VWA3B: variants seen among roughly 807,000 people sequenced by gnomAD.
VWA3B encodes the protein von Willebrand factor A domain containing 3B.
In VWA3B, 138 loss-of-function variants were observed where a neutral mutation model predicts 158.3. The ratio of observed to expected loss-of-function variants is 0.87; its 90% confidence interval spans 0.76 to 1.00. VWA3B has a LOEUF of 1.00. VWA3B is among the 50% of genes least tolerant of loss of function. The pLI, the probability that VWA3B is intolerant of heterozygous loss-of-function variation, is 0.00. For synonymous variants in VWA3B, 596 were observed against 587.3 expected, an observed-to-expected ratio of 1.01 and a Z score of -0.21; for missense variants, 1,555 against 1,565.1, an observed-to-expected ratio of 0.99 and a Z score of 0.11.
At chr2:98,313,324 A>G (rs2106035159), downstream of VWA3B, 1 of 152,170 alleles carries the variant, frequency 6.6e-6, no homozygotes, top group East Asian at 1.9e-4. Context: ...GCATCAGGCT[A>G]AAAACAATAA....
At chr2:98,316,133 A>G (rs1043918726), downstream of VWA3B, among the ~76,000 whole-genome samples, 25 of 152,288 alleles carry the variant, frequency 1.6e-4, no homozygotes, top group Middle Eastern at 3.4e-3. Flanking sequence ...GTTTCTGTTC[A>G]AAGGTATCTT....
At chr2:98,171,372 C>A (rs1293972553) in intron 8 of VWA3B, among the ~76,000 whole-genome samples, 3 of 151,910 alleles carry the variant, frequency 2.0e-5, no homozygotes, top group Non-Finnish European at 4.4e-5. Context: ...AACTTTGGAG[C>A]GTGTATCTGA....
At chr2:98,264,685 CTGT>C (rs1441276722) in intron 21 of VWA3B, among the ~76,000 whole-genome samples, 1 of 152,066 alleles carries the variant, frequency 6.6e-6, no homozygotes, top group Admixed American at 6.5e-5. Context: ...GTGTATTCTG[CTGT>C]TGTTTGGTGG....
chr2:98,143,073 T>C (rs1676905422), intron 7 of VWA3B, among the ~76,000 whole-genome samples: 1 of 152,218 alleles, frequency 6.6e-6, no homozygotes, highest in Non-Finnish European at 1.5e-5. Flanking sequence ...AGGGAGTCTC[T>C]CTGTCACCCA....
At chr2:98,242,303 T>C in intron 19 of VWA3B, 3 of 456,244 alleles carry the variant, frequency 6.6e-6, no homozygotes, top group South Asian at 4.6e-5. Context: ...AATGAGGTAT[T>C]GAGCAAAGAG....
chr2:98,093,983 T>C (rs1364853555), intron 2 of VWA3B, among the ~76,000 whole-genome samples: 1 of 152,236 alleles, frequency 6.6e-6, no homozygotes, highest in Non-Finnish European at 1.5e-5. Context: ...TTCCTTTTTA[T>C]GGCTGAATAG....
At chr2:98,142,454 A>G (rs1676854389) in intron 7 of VWA3B, among the ~76,000 whole-genome samples, 1 of 152,040 alleles carries the variant, frequency 6.6e-6, no homozygotes, top group Admixed American at 6.5e-5. Flanking sequence ...TGTAAACCGT[A>G]ATACCTCTCC....
intron 26 of VWA3B, among the ~76,000 whole-genome samples, chr2:98,305,313 C>T (rs1690454372): frequency 6.6e-6 from 1 of 152,148 alleles, no homozygotes; most frequent in Admixed American, 6.5e-5. Context: ...GCAGGTTTTT[C>T]TGAAAGCCCC....
chr2:98,193,598 CT>C lies in VWA3B; in HGVS notation c.1605+577del, dbSNP rs376090829. Among the ~76,000 whole-genome samples the C allele has an allele frequency of 9.1e-3, 1,304 of 142,802 alleles. 6 individuals are homozygous for C. Among genetic ancestry groups the C allele is most frequent in the Non-Finnish European group, 0.011 (733 of 64,778 alleles). The allele number at this position is 142,802 out of a possible 152,430, so 93.7% of individuals were successfully genotyped here. A position where few individuals can be genotyped will look rare whatever the true frequency, so the allele number is the denominator to read the frequency against. ...GAGTGTTTGAGAAATACAAAATGCA[CT>C]TTTTTTTTTTTTTTGAGATGGAGTC... On this transcript the variant is annotated intron_variant, in intron 11 of 27. Transcript: ENST00000477737.
chr2:98,176,459 C>CTCCT (rs564117880), intron 8 of VWA3B, among the ~76,000 whole-genome samples: 6 of 149,038 alleles, frequency 4.0e-5, no homozygotes, highest in Middle Eastern at 3.5e-3. Context: ...CCCTCCCTCC[C>CTCCT]TCCTTCCTTC....
At chr2:98,315,051 A>G (rs540151342), downstream of VWA3B, among the ~76,000 whole-genome samples, 1 of 152,212 alleles carries the variant, frequency 6.6e-6, no homozygotes, top group African/African-American at 2.4e-5. Context: ...GACAATGAAA[A>G]GTACCAGAAA....
chr2:98,217,736 T>C (rs1574109769), intron 13 of VWA3B, 110 bp from the exon 14 acceptor site: 1 of 1,054,356 alleles, frequency 9.5e-7, no homozygotes, highest in East Asian at 2.8e-5. Context: ...CACCACTGTA[T>C]ACAGAATTAC....
the VWA3B span, among the ~76,000 whole-genome samples, chr2:98,330,208 A>T: frequency 6.6e-6 from 1 of 152,100 alleles, no homozygotes; most frequent in Non-Finnish European, 1.5e-5. Context: ...ATTTGCTTAC[A>T]CCCATTTCCA....
intron 22 of VWA3B, among the ~76,000 whole-genome samples, chr2:98,282,359 G>A (rs1179826950): frequency 6.6e-6 from 1 of 151,652 alleles, no homozygotes; most frequent in Non-Finnish European, 1.5e-5. Context: ...GTCCCATGCT[G>A]TGGAATCAAC....
chr2:98,179,813 TCTTTC>T (rs1334476323), intron 8 of VWA3B, among the ~76,000 whole-genome samples: 1 of 142,802 alleles, frequency 7.0e-6, no homozygotes, highest in Non-Finnish European at 1.5e-5. Flanking sequence ...TTTCTTTCTT[TCTTTC>T]TTTCTTTCTT....
chr2:98,158,700 C>T (rs529179518), intron 7 of VWA3B, among the ~76,000 whole-genome samples: 1 of 73,868 alleles, frequency 1.4e-5, no homozygotes, highest in South Asian at 5.8e-4. Context: ...GGAGGCAGCT[C>T]ACCGTTTCCT....
intron 8 of VWA3B, among the ~76,000 whole-genome samples, chr2:98,179,790 CTT>C (rs1436883351): frequency 2.0e-3 from 38 of 19,342 alleles, no homozygotes; most frequent in Non-Finnish European, 2.7e-3. Context: ...TCTTTCTTTT[CTT>C]TCTTTCTTTC....
intron 12 of VWA3B, among the ~76,000 whole-genome samples, chr2:98,195,430 T>G (rs182692938): frequency 6.6e-6 from 1 of 152,168 alleles, no homozygotes; most frequent in Non-Finnish European, 1.5e-5. Context: ...TTTTTAAAAC[T>G]GGGAGGCGAA....
intron 21 of VWA3B, among the ~76,000 whole-genome samples, chr2:98,265,576 G>A (rs1367015924): frequency 6.6e-6 from 1 of 150,990 alleles, no homozygotes; most frequent in Non-Finnish European, 1.5e-5. Context: ...GGATGGCTGG[G>A]TCAAATGGTA....
Sources: allele counts gnomAD v4.1 joint callset (sites outside exome capture counted in the v4.1 genomes callset), GRCh38; gene constraint gnomAD v4.1.1; transcripts MANE v1.5; gene names NCBI Gene and HGNC (gene_info 2026-07-23, HGNC 2026-07-21).